The following PAQR5 variants were observed in gnomAD, a reference collection of about 807,000 sequenced individuals.
The protein encoded by PAQR5 is progestin and adipoQ receptor family member 5.
PAQR5 carries 20 observed loss-of-function variants against 34.5 expected under a neutral mutation model. That is an observed-to-expected ratio of 0.58 (90% CI 0.41 to 0.84). PAQR5 has a LOEUF of 0.84. Ranked by LOEUF, PAQR5 falls within the 40% of genes least tolerant of loss-of-function variation. The probability of loss-of-function intolerance (pLI) is 0.00; values close to 1 mark genes in which losing one functional copy is unlikely to be tolerated. For missense variants in PAQR5, 378 were observed against 412.7 expected (o/e 0.92, Z 0.73); for synonymous variants, 131 against 155.6 (o/e 0.84, Z 1.18).
At chr15:69,350,374 G>A (rs2054884039) in intron 2 of PAQR5, among the ~76,000 whole-genome samples, 1 of 152,208 alleles carries the variant, frequency 6.6e-6, no homozygotes, top group Non-Finnish European at 1.5e-5. Context: ...TGAACATGGT[G>A]GCTCACACCT....
chr15:69,397,622 T>C, intron 7 of PAQR5, 58 bp downstream of exon 7: 1 of 1,144,506 alleles, frequency 8.7e-7, no homozygotes, highest in Non-Finnish European at 1.3e-6. Flanking sequence ...GTCAGTTGTT[T>C]TCCTGAGCTT....
chr15:69,346,297 ATTTTTTTTTT>A (rs34728909), intron 2 of PAQR5, among the ~76,000 whole-genome samples: 3 of 81,490 alleles, frequency 3.7e-5, no homozygotes, highest in South Asian at 4.9e-4. Flanking sequence ...ATATTTTGTA[ATTTTTTTTTT>A]TTTTTTTTTT....
intron 1 of PAQR5, among the ~76,000 whole-genome samples, chr15:69,328,488 G>A (rs1407281211): frequency 6.6e-6 from 1 of 152,192 alleles, no homozygotes; most frequent in East Asian, 1.9e-4. Flanking sequence ...GGAGTCGCTG[G>A]AGCCCGTGTC....
rs148005068 is a variant in PAQR5 at position 69,381,595 on chromosome 15, C to T, written c.179+1585C>T. On this transcript the variant is annotated intron_variant, in intron 4 of 8. Transcript: ENST00000395407. Reference sequence around the variant, plus strand: ...TACAGCTGAGCCAAGCTGGGTGAGCCGCACCCCCATCACCTCCAGCACTGC... The same window carrying T: ...TACAGCTGAGCCAAGCTGGGTGAGCTGCACCCCCATCACCTCCAGCACTGC... Among the ~76,000 whole-genome samples, 191 of 152,226 alleles carry T rather than the reference C, an allele frequency of 1.3e-3. 1 individual carries two copies. In the East Asian group the frequency reaches 0.033, roughly 27 times the overall value.
intron 8 of PAQR5, among the ~76,000 whole-genome samples, chr15:69,400,804 T>C (rs887689032): frequency 6.6e-6 from 1 of 152,082 alleles, no homozygotes; most frequent in Non-Finnish European, 1.5e-5. Flanking sequence ...TCTTTCTTTG[T>C]CTTGAGCATG....
chr15:69,322,959 G>A (rs887555678), intron 1 of PAQR5, among the ~76,000 whole-genome samples: 8 of 149,586 alleles, frequency 5.3e-5, no homozygotes, highest in Admixed American at 2.0e-4. Context: ...ACTAAGGACC[G>A]AGATGACAGG....
At chr15:69,379,705 C>G in intron 3 of PAQR5, 178 bp from the exon 4 acceptor site, 1 of 778,362 alleles carries the variant, frequency 1.3e-6, no homozygotes, top group Non-Finnish European at 1.6e-6. Context: ...TCTTGGAGGA[C>G]AAGGGATTTT....
At chr15:69,334,777 G>A (rs938759602) in intron 1 of PAQR5, among the ~76,000 whole-genome samples, 2 of 78,998 alleles carry the variant, frequency 2.5e-5, no homozygotes, top group Non-Finnish European at 7.5e-5. Flanking sequence ...TTGTTAAAGG[G>A]AATGTAATTT....
At chr15:69,387,620 C>G (rs2056148286) in intron 5 of PAQR5, among the ~76,000 whole-genome samples, 1 of 152,192 alleles carries the variant, frequency 6.6e-6, no homozygotes, top group Admixed American at 6.5e-5. Flanking sequence ...TAGGTGAGGA[C>G]AGTGAGGCAC....
intron 1 of PAQR5, among the ~76,000 whole-genome samples, chr15:69,316,628 G>A (rs1048443890): frequency 5.3e-5 from 8 of 152,180 alleles, no homozygotes; most frequent in Admixed American, 1.3e-4. Flanking sequence ...GAGAAGGCAT[G>A]TCCCTGGTCA....
At chr15:69,319,193 A>ATTTT (rs1566995880) in intron 1 of PAQR5, among the ~76,000 whole-genome samples, 8 of 93,048 alleles carry the variant, frequency 8.6e-5, no homozygotes, top group African/African-American at 3.8e-4. Flanking sequence ...ATATATATAT[A>ATTTT]TATATATATA....
intron 2 of PAQR5, among the ~76,000 whole-genome samples, chr15:69,357,056 G>C (rs1318626386): frequency 6.6e-6 from 1 of 151,196 alleles, no homozygotes; most frequent in African/African-American, 2.4e-5. Flanking sequence ...CCCACCCACT[G>C]TCTCTCTCTC....
intron 2 of PAQR5, 56 bp downstream of exon 2, chr15:69,337,557 C>T (rs1458666848): frequency 6.6e-6 from 1 of 152,174 alleles, no homozygotes; most frequent in Admixed American, 6.6e-5. Flanking sequence ...TATCTTGGGA[C>T]CTCAAGAGGA....
rs1595878630 is a variant in PAQR5 at position 69,345,931 on chromosome 15, C to T, written c.-116+8430C>T. On this transcript the variant is annotated intron_variant, in intron 2 of 8. Coordinates refer to ENST00000395407, the MANE Select transcript of PAQR5 (RefSeq NM_017705.4). The stretch of plus-strand genomic sequence containing the variant: ...TGCACTGAAGCCTGGGCAACATAGA[C>T]CCTTTCTTTAAAAACAAAATAAAAC... Among the ~76,000 whole-genome samples, 2 of 152,286 alleles carry T rather than the reference C, an allele frequency of 1.3e-5. 1 individual carries two copies. Among genetic ancestry groups the T allele is most frequent in the Middle Eastern group, 6.8e-3 (2 of 294 alleles).
At chr15:69,309,751 C>G (rs1317286599) in intron 1 of PAQR5, among the ~76,000 whole-genome samples, 2 of 152,142 alleles carry the variant, frequency 1.3e-5, no homozygotes, top group Non-Finnish European at 2.9e-5. Flanking sequence ...ATATCAGTAC[C>G]TAGAAAGCTG....
chr15:69,317,449 G>T (rs571933540), intron 1 of PAQR5, among the ~76,000 whole-genome samples: 43 of 152,244 alleles, frequency 2.8e-4, no homozygotes, highest in African/African-American at 9.6e-4. Flanking sequence ...GGCCCATGCC[G>T]GTCCACCCCC....
rs146765810 is a variant in PAQR5 at position 69,380,763 on chromosome 15, A to C, written c.179+753A>C. On this transcript the variant is annotated intron_variant, in intron 4 of 8. Coordinates refer to ENST00000395407, the MANE Select transcript of PAQR5 (RefSeq NM_017705.4). ...GCTGGAAGAACTCAGAGGCCATTCAAGCCACTGTCCCACTCAGACCACCAC... is the reference window on the plus strand; with the variant it reads ...GCTGGAAGAACTCAGAGGCCATTCACGCCACTGTCCCACTCAGACCACCAC... 1.8e-3 allele frequency among the ~76,000 whole-genome samples: 271 copies of C among 152,350 alleles called. 1 individual carries two copies. Among genetic ancestry groups the C allele is most frequent in the African/African-American group, 6.2e-3 (257 of 41,586 alleles).
intron 2 of PAQR5, among the ~76,000 whole-genome samples, chr15:69,355,321 TTTC>T (rs1567017199): frequency 2.5e-5 from 1 of 39,634 alleles, no homozygotes. Context: ...TCTTTCTTTC[TTTC>T]TTTCTTTCTT....
intron 1 of PAQR5, among the ~76,000 whole-genome samples, chr15:69,300,085 G>A (rs147258496): frequency 2.2e-4 from 33 of 152,218 alleles, no homozygotes; most frequent in Admixed American, 1.0e-3. Context: ...GAGCTGCATG[G>A]TCGCTTCTGC....
Sources: allele counts gnomAD v4.1 joint callset (sites outside exome capture counted in the v4.1 genomes callset), GRCh38; gene constraint gnomAD v4.1.1; transcripts MANE v1.5; gene names NCBI Gene and HGNC (gene_info 2026-07-23, HGNC 2026-07-21).